ATP6V1C2: variants seen among roughly 807,000 people sequenced by gnomAD.
ATP6V1C2 encodes V-type proton ATPase subunit C 2.
Under a neutral mutation model 56.8 loss-of-function variants are expected in ATP6V1C2, and 45 were observed. The ratio of observed to expected loss-of-function variants is 0.79; its 90% CI spans 0.62 to 1.02. The LOEUF (loss-of-function observed/expected upper bound fraction) is 1.02, where lower values mean the gene tolerates loss of function less well. Ranked by LOEUF, ATP6V1C2 falls within the 50% of genes least tolerant of loss-of-function variation. The pLI is 0.00. For synonymous variants in ATP6V1C2, 220 were observed against 201.3 expected (o/e 1.09, Z -0.79); for missense variants, 463 against 519.7 (o/e 0.89, Z 1.06).
At chr2:10,746,303 G>T (rs1365016299) in intron 3 of ATP6V1C2, among the ~76,000 whole-genome samples, 1 of 151,786 alleles carries the variant, frequency 6.6e-6, no homozygotes, top group Non-Finnish European at 1.5e-5. Flanking sequence ...CCCAGCCTTG[G>T]CTATTGTTAA....
At chr2:10,744,905 G>A (rs1333152594) in intron 3 of ATP6V1C2, among the ~76,000 whole-genome samples, 11 of 150,658 alleles carry the variant, frequency 7.3e-5, no homozygotes, top group East Asian at 2.0e-4. Context: ...TCTTGACCTC[G>A]TGATCTGCCC....
Position 10,764,444 on chromosome 2 carries a change from C to G in ATP6V1C2, c.378+19C>G. 1.2e-6 allele frequency: 2 copies of G among 1,607,288 alleles called. No individual in the cohort carries two copies. Among genetic ancestry groups the G allele is most frequent in the African/African-American group, 2.7e-5 (2 of 74,906 alleles). On this transcript the variant is annotated intron_variant, in intron 5 of 13. Coordinates refer to ENST00000272238, the MANE Select transcript of ATP6V1C2 (RefSeq NM_001039362.2). ...AGCCAAGGTGAGAAAAGGGACTGCT[C>G]TGGGGAACAGCTGACTGGTGGGTCA...
chr2:10,769,519 C>T (rs895789858), intron 6 of ATP6V1C2, among the ~76,000 whole-genome samples: 8 of 152,142 alleles, frequency 5.3e-5, no homozygotes, highest in Admixed American at 2.0e-4. Flanking sequence ...GTCTGGCCAA[C>T]ATGGTGAAAC....
In ATP6V1C2 at chr2:10,754,749, T is replaced by A. The variant is rs998301973; in HGVS notation, c.283+683T>A. On this transcript the variant is annotated intron_variant, in intron 4 of 13. Transcript: ENST00000272238. ...CACCACACCTAGCTAATTTTGTGTG[T>A]GTGTGTTTTTAATAGAGATGGGGTT... Among the ~76,000 whole-genome samples the A allele has an allele frequency of 5.3e-5, 8 of 152,036 alleles. No individual in the cohort carries two copies. The East Asian group carries it at 1.2e-3, about 22-fold the overall frequency.
chr2:10,778,760 C>A, intron 12 of ATP6V1C2, 91 bp downstream of exon 12: 1 of 1,184,426 alleles, frequency 8.4e-7, no homozygotes, highest in Non-Finnish European at 1.3e-6. Flanking sequence ...TGCCTTCTCT[C>A]CATCCTCCAC....
At position 10,784,197 on chromosome 2, in the gene ATP6V1C2, T is replaced by G; in HGVS notation, c.*934T>G. The G allele has an allele frequency of 7.4e-7, 1 of 1,354,786 alleles. No individual in the cohort carries two copies. Among genetic ancestry groups the G allele is most frequent in the Non-Finnish European group, 1.0e-6 (1 of 958,212 alleles). The allele number at this position is 1,354,786 out of a possible 1,614,324, so 83.9% of individuals were successfully genotyped here. On this transcript the variant is annotated 3_prime_UTR_variant, in exon 14 of 14. Coordinates refer to ENST00000272238, the MANE Select transcript of ATP6V1C2 (RefSeq NM_001039362.2). Reference sequence around the variant, plus strand: ...CTGAGTGTAGAGAATGTCCCTTCACTGCTGGAAAAATCCACTGGCTCCCAA... The same window carrying G: ...CTGAGTGTAGAGAATGTCCCTTCACGGCTGGAAAAATCCACTGGCTCCCAA...
intron 3 of ATP6V1C2, among the ~76,000 whole-genome samples, chr2:10,737,786 C>T (rs189866977): frequency 1.3e-5 from 2 of 152,226 alleles, no homozygotes; most frequent in East Asian, 1.9e-4. Context: ...CTTTGCCTTC[C>T]GGGTTCAAGC....
chr2:10,748,760 C>A (rs1472274771), intron 3 of ATP6V1C2, among the ~76,000 whole-genome samples: 1 of 152,038 alleles, frequency 6.6e-6, no homozygotes, highest in Non-Finnish European at 1.5e-5. Flanking sequence ...TGTAGGGTGA[C>A]CTTTAGCTCT....
intron 3 of ATP6V1C2, among the ~76,000 whole-genome samples, chr2:10,750,931 G>A (rs909869910): frequency 6.6e-6 from 1 of 152,182 alleles, no homozygotes; most frequent in Non-Finnish European, 1.5e-5. Flanking sequence ...CATAGTAGTT[G>A]TTAGTGCTTG....
chr2:10,740,688 TTC>T (rs1662501545), intron 3 of ATP6V1C2, among the ~76,000 whole-genome samples: 1 of 152,138 alleles, frequency 6.6e-6, no homozygotes, highest in Non-Finnish European at 1.5e-5. Context: ...GGGGAAAACT[TTC>T]TTTTTCATTT....
intron 6 of ATP6V1C2, 111 bp downstream of exon 6, chr2:10,768,921 GAGAC>G (rs1311660283): frequency 1.7e-5 from 14 of 829,988 alleles, no homozygotes; most frequent in South Asian, 4.6e-5. Flanking sequence ...GCATGAGAGT[GAGAC>G]AGACAGACAG....
chr2:10,781,349 G>C (rs1463446576), intron 12 of ATP6V1C2, among the ~76,000 whole-genome samples: 1 of 152,092 alleles, frequency 6.6e-6, no homozygotes, highest in African/African-American at 2.4e-5. Flanking sequence ...GTGGTGGCGG[G>C]CGCCTGTAAT....
At chr2:10,774,152 G>A (rs1233986835) in intron 8 of ATP6V1C2, among the ~76,000 whole-genome samples, 1 of 152,248 alleles carries the variant, frequency 6.6e-6, no homozygotes, top group Non-Finnish European at 1.5e-5. Flanking sequence ...CTGGAGTCTG[G>A]CGGCAGCCCC....
intron 4 of ATP6V1C2, among the ~76,000 whole-genome samples, chr2:10,759,003 A>C (rs1264956610): frequency 6.6e-6 from 1 of 152,162 alleles, no homozygotes; most frequent in Non-Finnish European, 1.5e-5. Flanking sequence ...GGGCTTTCCT[A>C]ATATTACCTG....
At chr2:10,735,191 A>T (rs1662184990) in intron 3 of ATP6V1C2, among the ~76,000 whole-genome samples, 1 of 151,838 alleles carries the variant, frequency 6.6e-6, no homozygotes, top group African/African-American at 2.4e-5. Flanking sequence ...TTTTTTTGAG[A>T]TGGAGTCTTG....
intron 3 of ATP6V1C2, among the ~76,000 whole-genome samples, chr2:10,730,180 A>G (rs774201645): frequency 1.3e-5 from 2 of 152,130 alleles, no homozygotes; most frequent in African/African-American, 2.4e-5. Flanking sequence ...CAGTGGCACA[A>G]TCTTAGCTCA....
chr2:10,783,095 G>A (rs1457497538), intron 13 of ATP6V1C2, 79 bp from the exon 14 acceptor site: 3 of 1,107,462 alleles, frequency 2.7e-6, no homozygotes, highest in South Asian at 2.6e-5. Flanking sequence ...TCAGTGCCTG[G>A]CGAGCTTCCT....
chr2:10,768,861 C>T, intron 6 of ATP6V1C2, 51 bp downstream of exon 6: 1 of 1,507,646 alleles, frequency 6.6e-7, no homozygotes, highest in Non-Finnish European at 9.2e-7. Flanking sequence ...CTGGCGGGGG[C>T]TTAGCGCTTG....
Position 10,763,641 on chromosome 2 carries a change from AT to A in ATP6V1C2, c.284-687del, listed in dbSNP as rs1239264715. Among the ~76,000 whole-genome samples the A allele has an allele frequency of 2.0e-5, 3 of 152,146 alleles. No individual in the cohort carries two copies. The highest frequency in any genetic ancestry group is 4.4e-5 in the Non-Finnish European group (3 of 68,020). ...ACCGTGGCGCTGCAGCTTCCAGGGA[AT>A]TTCCCGCTCTTCCATAGACCCGGCG... is the stretch of plus-strand genomic sequence containing the variant. On this transcript the variant is annotated intron_variant, in intron 4 of 13. Transcript: ENST00000272238. This position sits in a 1 kb window ranked among gnomAD's most constrained non-coding sequence, Gnocchi z 4.2.
Sources: gnomAD v4.1 joint callset for allele counts (sites outside exome capture counted in the v4.1 genomes callset) on GRCh38, gnomAD v4.1.1 for gene constraint, Gnocchi (gnomAD v3.1) non-coding constraint, MANE v1.5 for transcripts, NCBI Gene and HGNC (gene_info 2026-07-23, HGNC 2026-07-21) for gene names.